TMEM186: variants seen among roughly 807,000 people sequenced by gnomAD.
TMEM186 encodes transmembrane protein 186.
In TMEM186, 2 loss-of-function variants were observed where a neutral mutation model predicts 2.5. That is an observed-to-expected ratio of 0.79 (90% CI 0.32 to 2.50). The LOEUF (loss-of-function observed/expected upper bound fraction) is 2.50, where lower values mean the gene tolerates loss of function less well. Ranked by LOEUF, TMEM186 falls within the 30% of genes most tolerant of loss-of-function variation. The pLI is 0.11. For missense variants in TMEM186, 321 were observed against 276.5 expected (o/e 1.16, Z -1.14); for synonymous variants, 120 against 104.9 (o/e 1.14, Z -0.88).
At position 8,795,955 on chromosome 16, in the gene TMEM186, C is replaced by A. The variant is rs1212281847; in HGVS notation, c.639G>T (p.Lys213Asn). The change falls in exon 2 of 2, where the codon AAG becomes AAT. Residue 213 changes from lysine (K) to asparagine (N), a missense_variant. Physicochemically the swap from Lys to Asn is moderately conservative, Grantham distance 94. Coordinates refer to ENST00000333050, the MANE Select transcript of TMEM186 (RefSeq NM_015421.4). The part of the protein sequence containing the change: ...TQVFGVHQML[K>N] ...CAGAGGTCCAGGTCCCAGTTGTTCA[C>A]TTGAGCATCTGATGTACCCCAAACA... 5.6e-6 allele frequency: 9 copies of A among 1,609,882 alleles called. No homozygotes were observed. Among genetic ancestry groups the A allele is most frequent in the Non-Finnish European group, 7.6e-6 (9 of 1,176,754 alleles).
At position 8,796,086 on chromosome 16, in the gene TMEM186, G is replaced by A. The variant is rs2060573655; in HGVS notation, c.508C>T (p.Arg170Trp). 12 of 1,614,084 alleles carry A rather than the reference G, an allele frequency of 7.4e-6. No individual in the cohort carries two copies. The highest frequency in any genetic ancestry group is 4.0e-5 in the African/African-American group (3 of 74,930). ...DVIPLTETKD[R>W]PQEMFVRIQR... Reference sequence around the variant, plus strand: ...ATACGCACAAACATCTCCTGAGGCCGGTCCTTGGTTTCTGTCAGGGGAATC... The same window carrying A: ...ATACGCACAAACATCTCCTGAGGCCAGTCCTTGGTTTCTGTCAGGGGAATC... Residue 170 changes from arginine to tryptophan, a missense_variant, in exon 2 of 2, where the codon CGG becomes TGG. Coordinates refer to ENST00000333050, the MANE Select transcript of TMEM186 (RefSeq NM_015421.4).
In TMEM186 at chr16:8,796,320, A is replaced by C. The variant is rs2060575387; in HGVS notation, c.274T>G (p.Leu92Val). The change falls in exon 2 of 2, where the codon TTG (leucine) becomes GTG (valine). Residue 92 changes from leucine to valine, a missense_variant. Leu to Val is a conservative substitution (Grantham distance 32). Coordinates refer to ENST00000333050, the MANE Select transcript of TMEM186 (RefSeq NM_015421.4). ...AGAGTGAGGAGGCCCTGGGAGTACAAGTAATAGCCTGGTGGCAAAGCTACC... is the reference window on the plus strand; with the variant it reads ...AGAGTGAGGAGGCCCTGGGAGTACACGTAATAGCCTGGTGGCAAAGCTACC... ...TVVALPPGYY[L>V]YSQGLLTLNT... The C allele has an allele frequency of 1.2e-6, 2 of 1,614,244 alleles. No individual in the cohort carries two copies. Among genetic ancestry groups the C allele is most frequent in the South Asian group, 1.1e-5 (1 of 91,086 alleles).
intron 1 of TMEM186, among the ~76,000 whole-genome samples, chr16:8,797,358 A>C (rs2060583289): frequency 1.3e-5 from 2 of 152,220 alleles, no homozygotes; most frequent in African/African-American, 4.8e-5. Flanking sequence ...AGTGAACCAG[A>C]GGATGGTTTC....
rs2060577602 is a variant in TMEM186, at chr16:8,796,539, T to C, written c.55A>G (p.Arg19Gly). The C allele has an allele frequency of 6.2e-7, 1 of 1,614,036 alleles. No homozygotes were observed. The highest frequency in any genetic ancestry group is 1.1e-5 in the South Asian group (1 of 91,086). ...RRFRGKAVWE[R>G]PLHGLWCCSG... ...CAGCACCACAGCCCATGGAGAGGCC[T>C]TTCCCACACAGCTTTTCCCCGAAAC... Residue 19 changes from arginine to glycine, a missense_variant, in exon 2 of 2, where the codon AGG becomes GGG. By Grantham distance (125) the Arg-to-Gly change is moderately radical. Transcript: ENST00000333050.
chr16:8,796,842 A>T (rs1465557802), intron 1 of TMEM186, among the ~76,000 whole-genome samples: 1 of 152,222 alleles, frequency 6.6e-6, no homozygotes, highest in Non-Finnish European at 1.5e-5. Context: ...TTTACCAAAG[A>T]TCACACAGTC....
rs375159975 is a variant in TMEM186 at position 8,795,916 on chromosome 16, G to A, written c.*36C>T. The A allele has an allele frequency of 1.6e-5, 25 of 1,580,064 alleles. No individual in the cohort carries two copies. Among genetic ancestry groups the A allele is most frequent in the South Asian group, 1.2e-4 (10 of 86,240 alleles). ...CCTCAGCCTTCCTGTTAATCCAGGC[G>A]ACCCAGGGTTACCCAGAGGTCCAGG... On this transcript the variant is annotated 3_prime_UTR_variant, in exon 2 of 2. Coordinates refer to ENST00000333050, the MANE Select transcript of TMEM186 (RefSeq NM_015421.4).
In TMEM186 at chr16:8,796,033, G is replaced by A. The variant is rs1360534712; in HGVS notation, c.561C>T (p.Phe187=). 1.2e-6 allele frequency: 2 copies of A among 1,614,208 alleles called. No individual in the cohort carries two copies. The highest frequency in any genetic ancestry group is 1.6e-4 in the Middle Eastern group (1 of 6,062). The change falls in exon 2 of 2, where the codon TTC becomes TTT. Residue 187 remains phenylalanine (F), a synonymous_variant. Transcript: ENST00000333050. ...RIQRYSGKQT[F]YVTLRYGRIL... ...TGCGTCCATAGCGCAGGGTGACGTA[G>A]AAGGTCTGTTTCCCACTGTACCGCT...
rs947342432 is a variant in TMEM186 at position 8,795,254 on chromosome 16, A to T, written c.*698T>A. On this transcript the variant is annotated 3_prime_UTR_variant, in exon 2 of 2. Transcript: ENST00000333050. ...CTCTAGACCTCTGGGTGGTGAACAAATCTCAACTGGGGTTTCGTGCCTACC... is the reference window on the plus strand; with the variant it reads ...CTCTAGACCTCTGGGTGGTGAACAATTCTCAACTGGGGTTTCGTGCCTACC... 6.6e-6 allele frequency: 1 copy of T among 152,348 alleles called. No homozygotes were observed. Among genetic ancestry groups the T allele is most frequent in the African/African-American group, 2.4e-5 (1 of 41,546 alleles). 9.4% of individuals were successfully genotyped at this position (152,348 alleles called of 1,614,324 possible).
At chr16:8,797,476 G>C (rs778808957) in intron 1 of TMEM186, 136 bp downstream of exon 1, 44 of 1,180,764 alleles carry the variant, frequency 3.7e-5, no homozygotes, top group Non-Finnish European at 5.1e-5. Context: ...CGGGAAAAGC[G>C]AACTGTAACA....
chr16:8,796,036 G>T lies in TMEM186; in HGVS notation c.558C>A (p.Thr186=), dbSNP rs763805495. 15 of 1,614,084 alleles carry T rather than the reference G, an allele frequency of 9.3e-6. No individual in the cohort carries two copies. The highest frequency in any genetic ancestry group is 1.2e-5 in the Non-Finnish European group (14 of 1,180,046). ...VRIQRYSGKQ[T]FYVTLRYGRI... Reference sequence around the variant, plus strand: ...GTCCATAGCGCAGGGTGACGTAGAAGGTCTGTTTCCCACTGTACCGCTGGA... The same window carrying T: ...GTCCATAGCGCAGGGTGACGTAGAATGTCTGTTTCCCACTGTACCGCTGGA... The change falls in exon 2 of 2, where the codon ACC becomes ACA. Residue 186 remains threonine, a synonymous_variant. Transcript: ENST00000333050.
intron 1 of TMEM186, among the ~76,000 whole-genome samples, 180 bp downstream of exon 1, chr16:8,797,432 T>A (rs78676127): frequency 0.012 from 1,624 of 129,978 alleles, 28 homozygotes; most frequent in African/African-American, 0.045. Flanking sequence ...ACTACTACTG[T>A]GCGCATGTGA....
chr16:8,796,616 C>A (rs561346520), intron 1 of TMEM186, 26 bp from the exon 2 acceptor site: 1 of 1,601,256 alleles, frequency 6.2e-7, no homozygotes, highest in South Asian at 1.1e-5. Flanking sequence ...TAGACCATTT[C>A]TCTCATGGAA....
rs927226105 is a variant in TMEM186, at chr16:8,795,348, G to C, written c.*604C>G. 1.3e-5 allele frequency: 2 copies of C among 152,770 alleles called. No homozygotes were observed. Among genetic ancestry groups the C allele is most frequent in the African/African-American group, 4.8e-5 (2 of 41,430 alleles). 9.5% of individuals were successfully genotyped at this position (152,770 alleles called of 1,614,324 possible). Reference sequence around the variant, plus strand: ...ACCCTTCTGCCGCTGGATATGTGAGGGGCACAGCACAGGGCTCTGGAAGTC... The same window carrying C: ...ACCCTTCTGCCGCTGGATATGTGAGCGGCACAGCACAGGGCTCTGGAAGTC... On this transcript the variant is annotated 3_prime_UTR_variant, in exon 2 of 2. Coordinates refer to ENST00000333050, the MANE Select transcript of TMEM186 (RefSeq NM_015421.4).
chr16:8,795,839 C>A lies in TMEM186; in HGVS notation c.*113G>T. The A allele has an allele frequency of 7.9e-7, 1 of 1,263,846 alleles. No homozygotes were observed. Among genetic ancestry groups the A allele is most frequent in the Non-Finnish European group, 1.1e-6 (1 of 905,818 alleles). 78.3% of individuals were successfully genotyped at this position (1,263,846 alleles called of 1,614,324 possible). On this transcript the variant is annotated 3_prime_UTR_variant, in exon 2 of 2. Coordinates refer to ENST00000333050, the MANE Select transcript of TMEM186 (RefSeq NM_015421.4). Reference sequence around the variant, plus strand: ...ACCACAAAACACATGTTCCCAGGGGCCCAGGCAAAGTCTCCAAGTACCCAG... The same window carrying A: ...ACCACAAAACACATGTTCCCAGGGGACCAGGCAAAGTCTCCAAGTACCCAG...
intron 1 of TMEM186, 126 bp from the exon 2 acceptor site, chr16:8,796,716 CGAGGGAAGGG>C (rs772812329): frequency 2.5e-6 from 3 of 1,213,984 alleles, no homozygotes; most frequent in Non-Finnish European, 3.4e-6. Context: ...TATTGCCAGA[CGAGGGAAGGG>C]TAAAGCCAGA....
At chr16:8,796,910 A>C (rs1217909197) in intron 1 of TMEM186, among the ~76,000 whole-genome samples, 2 of 152,166 alleles carry the variant, frequency 1.3e-5, no homozygotes, top group East Asian at 3.9e-4. Context: ...ACAGGAAAGG[A>C]GGTGCGGCCG....
chr16:8,797,318 TTCGC>T (rs1418729522), intron 1 of TMEM186, among the ~76,000 whole-genome samples: 1 of 152,196 alleles, frequency 6.6e-6, no homozygotes, highest in Non-Finnish European at 1.5e-5. Flanking sequence ...ATTCGGTTTC[TTCGC>T]CTTTCAAAAT....
intron 1 of TMEM186, 33 bp downstream of exon 1, chr16:8,797,579 C>T (rs779076583): frequency 6.3e-7 from 1 of 1,589,396 alleles, no homozygotes; most frequent in South Asian, 1.1e-5. Context: ...CAAAGAGCAT[C>T]ACCCCCTCAA....
In TMEM186 at chr16:8,796,191, C is replaced by G; in HGVS notation, c.403G>C (p.Glu135Gln). Residue 135 changes from glutamate to glutamine, a missense_variant, in exon 2 of 2, where the codon GAG (glutamate) becomes CAG (glutamine). Glu to Gln is a conservative substitution (Grantham distance 29, BLOSUM62 2). Transcript: ENST00000333050. ...RRLVGILYLNESGTMLRVAHL... is the reference protein window; with the variant it reads ...RRLVGILYLNQSGTMLRVAHL... ...GCCACCCGCAGCATGGTGCCAGACT[C>G]ATTCAGATACAGGATACCAACCAGT... is the stretch of plus-strand genomic sequence containing the variant. 1.9e-6 allele frequency: 3 copies of G among 1,614,216 alleles called. No individual in the cohort carries two copies. The highest frequency in any genetic ancestry group is 2.5e-6 in the Non-Finnish European group (3 of 1,180,052).
Sources: gnomAD v4.1 joint callset for allele counts (sites outside exome capture counted in the v4.1 genomes callset) on GRCh38, gnomAD v4.1.1 for gene constraint, MANE v1.5 for transcripts, NCBI Gene and HGNC (gene_info 2026-07-23, HGNC 2026-07-21) for gene names.